Variants in HSPBP1 observed in about 807,000 individuals in gnomAD.
The protein encoded by HSPBP1 is HSPA (Hsp70) binding protein 1, also known as hsp70-binding protein 1.
HSPBP1 carries 31 observed loss-of-function variants against 41.7 expected under a neutral mutation model. That is an observed-to-expected ratio of 0.74 (90% CI 0.56 to 1.00). The LOEUF (loss-of-function observed/expected upper bound fraction) is 1.00. Ranked by LOEUF, HSPBP1 falls within the 50% of genes least tolerant of loss-of-function variation. The pLI, the probability that HSPBP1 is intolerant of heterozygous loss-of-function variation, is 0.00. For missense variants in HSPBP1, 439 were observed against 487.9 expected, an observed-to-expected ratio of 0.90 and a Z score of 0.94; for synonymous variants, 199 against 214.4, an observed-to-expected ratio of 0.93 and a Z score of 0.63.
At chr19:55,265,209 C>T in intron 7 of HSPBP1, 69 bp downstream of exon 7, 2 of 762,914 alleles carry the variant, frequency 2.6e-6, no homozygotes, top group Admixed American at 4.4e-5. Flanking sequence ...CACACCTAGT[C>T]CTCCTGGAGC....
rs1243922065 is a variant in HSPBP1, at chr19:55,268,391, T to C, written c.641-2105A>G. Among the ~76,000 whole-genome samples the C allele has an allele frequency of 6.6e-6, 1 of 151,946 alleles. No individual in the cohort carries two copies. The highest frequency in any genetic ancestry group is 1.5e-5 in the Non-Finnish European group (1 of 67,984). On this transcript the variant is annotated intron_variant, in intron 4 of 7. Transcript: ENST00000433386. The surrounding 1 kb of genome is among the most constrained non-coding windows in gnomAD (Gnocchi z 4.5). ...GTTGCAGTGAGCCGAGATTGCGCCA[T>C]TACACTCCAGCCTGAGCAAAAAGAG...
intron 2 of HSPBP1, among the ~76,000 whole-genome samples, chr19:55,278,908 C>T (rs1361562549): frequency 7.0e-6 from 1 of 142,344 alleles, no homozygotes; most frequent in African/African-American, 2.6e-5. Context: ...CCTCCACCCC[C>T]AACCCTGCCC....
In HSPBP1 at chr19:55,262,566, C is replaced by A. The variant is rs766543847; in HGVS notation, c.*42G>T. 9.3e-6 allele frequency: 15 copies of A among 1,608,568 alleles called. No homozygotes were observed. The highest frequency in any genetic ancestry group is 1.6e-4 in the Middle Eastern group (1 of 6,076). On this transcript the variant is annotated 3_prime_UTR_variant, in exon 8 of 8. Transcript: ENST00000433386. ...TGTAGGTGGGGAGGGAGGCAAGAGG[C>A]CTGGGGTTCCCACGGAGAAGGGGGC...
rs1232886421 is a variant in HSPBP1 at position 55,262,693 on chromosome 19, C to T, written c.1006-11G>A. 3 of 1,610,796 alleles carry T rather than the reference C, an allele frequency of 1.9e-6. No homozygotes were observed. The highest frequency in any genetic ancestry group is 2.5e-6 in the Non-Finnish European group (3 of 1,178,448). Reference sequence around the variant, plus strand: ...GAACTCCAGCTCCTCCTGGATTGGGCAGGGGCAGGGAGCAAGGGGCCTGAG... The same window carrying T: ...GAACTCCAGCTCCTCCTGGATTGGGTAGGGGCAGGGAGCAAGGGGCCTGAG... On this transcript the variant is annotated splice_polypyrimidine_tract_variant and intron_variant, in intron 7 of 7. Coordinates refer to ENST00000433386, the MANE Select transcript of HSPBP1 (RefSeq NM_012267.5).
chr19:55,265,606 C>T (rs1014707352), intron 6 of HSPBP1, among the ~76,000 whole-genome samples: 1 of 152,064 alleles, frequency 6.6e-6, no homozygotes, highest in African/African-American at 2.4e-5. Context: ...CGTGTCAACT[C>T]TGGTGTGCTG....
chr19:55,278,783 C>T (rs186735961), intron 2 of HSPBP1, among the ~76,000 whole-genome samples: 228 of 152,142 alleles, frequency 1.5e-3, no homozygotes, highest in Admixed American at 4.1e-3. Context: ...GCATGGTGGC[C>T]CATGCCTCTA....
chr19:55,274,347 A>ACCCCCCCCCCCCCCCC (rs11427517), intron 4 of HSPBP1, 51 bp downstream of exon 4: 27 of 328,030 alleles, frequency 8.2e-5, no homozygotes, highest in East Asian at 1.0e-4. Context: ...CCCACCCGGC[A>ACCCCCCCCCCCCCCCC]CCCCCCCCCA....
intron 2 of HSPBP1, 28 bp downstream of exon 2, chr19:55,279,371 C>T: frequency 1.9e-6 from 3 of 1,569,530 alleles, no homozygotes; most frequent in Non-Finnish European, 2.6e-6. Flanking sequence ...GGCCCCTCAC[C>T]CCAGCTTCTT....
At chr19:55,279,930 CT>C in intron 1 of HSPBP1, 104 bp downstream of exon 1, 1 of 464,288 alleles carries the variant, frequency 2.2e-6, no homozygotes, top group Non-Finnish European at 3.9e-6. Context: ...TCTTAGCAAC[CT>C]CACTGCTCCG....
chr19:55,273,136 C>T lies in HSPBP1; in HGVS notation c.640+1262G>A, dbSNP rs193080639. 1.0e-3 allele frequency among the ~76,000 whole-genome samples: 155 copies of T among 152,232 alleles called. 2 individuals are homozygous for T. The highest frequency in any genetic ancestry group is 7.4e-3 in the East Asian group (38 of 5,162). On this transcript the variant is annotated intron_variant, in intron 4 of 7. Coordinates refer to ENST00000433386, the MANE Select transcript of HSPBP1 (RefSeq NM_012267.5). ...TCCTGAGTAGATGGAGGTACAGTCA[C>T]GCACCACCACGTCCAGCTAATTTTT... is the stretch of plus-strand genomic sequence containing the variant.
chr19:55,263,010 T>C (rs1371593610), intron 7 of HSPBP1, among the ~76,000 whole-genome samples: 1 of 151,912 alleles, frequency 6.6e-6, no homozygotes, highest in African/African-American at 2.4e-5. Context: ...CCAGAAACCA[T>C]GAAAGAAAGC....
At chr19:55,277,532 G>T in intron 3 of HSPBP1, 110 bp downstream of exon 3, 1 of 1,120,058 alleles carries the variant, frequency 8.9e-7, no homozygotes, top group Non-Finnish European at 1.3e-6. Context: ...CTGATGGTGA[G>T]AAGGCAGCAG....
intron 7 of HSPBP1, among the ~76,000 whole-genome samples, chr19:55,263,344 C>T (rs1487677199): frequency 6.6e-6 from 1 of 152,098 alleles, no homozygotes; most frequent in African/African-American, 2.4e-5. Flanking sequence ...TTGTCCTGAC[C>T]AAGATTTGGG....
intron 1 of HSPBP1, 53 bp from the exon 2 acceptor site, chr19:55,279,755 ACCACT>A: frequency 6.5e-7 from 1 of 1,529,310 alleles, no homozygotes; most frequent in East Asian, 2.5e-5. Context: ...ATGACCCCAA[ACCACT>A]CTGCCCCCAG....
At chr19:55,265,224 G>C in intron 7 of HSPBP1, 54 bp downstream of exon 7, 1 of 1,215,938 alleles carries the variant, frequency 8.2e-7, no homozygotes, top group South Asian at 1.4e-5. Context: ...TGGAGCCCTT[G>C]TCCCCTCCCC....
At chr19:55,274,728 T>G in intron 3 of HSPBP1, 106 bp from the exon 4 acceptor site, 1 of 922,438 alleles carries the variant, frequency 1.1e-6, no homozygotes, top group South Asian at 1.6e-5. Flanking sequence ...GGAATGTGAC[T>G]GTTTTTGGAG....
intron 4 of HSPBP1, among the ~76,000 whole-genome samples, chr19:55,271,631 G>A (rs977130534): frequency 6.6e-6 from 1 of 152,172 alleles, no homozygotes; most frequent in South Asian, 2.1e-4. Context: ...CTGCATGGCT[G>A]GGGCCACCAT....
At chr19:55,274,757 T>C in intron 3 of HSPBP1, 135 bp from the exon 4 acceptor site, 1 of 728,480 alleles carries the variant, frequency 1.4e-6, no homozygotes, top group Non-Finnish European at 2.3e-6. Flanking sequence ...TTTAAAGAGA[T>C]CATTAAGGTA....
chr19:55,271,715 C>T (rs967375318), intron 4 of HSPBP1, among the ~76,000 whole-genome samples: 3 of 152,162 alleles, frequency 2.0e-5, no homozygotes, highest in Non-Finnish European at 2.9e-5. Context: ...GTGTTGGACC[C>T]CCCTCACAGC....
Sources: gnomAD v4.1 joint callset for allele counts (sites outside exome capture counted in the v4.1 genomes callset) on GRCh38, gnomAD v4.1.1 for gene constraint, Gnocchi (gnomAD v3.1) non-coding constraint, MANE v1.5 for transcripts, NCBI Gene and HGNC (gene_info 2026-07-23, HGNC 2026-07-21) for gene names.